ANKRD6: variants seen among roughly 807,000 people sequenced by gnomAD.
ANKRD6 encodes ankyrin repeat domain-containing protein 6.
ANKRD6 carries 56 observed loss-of-function variants against 82.3 expected under a neutral mutation model. The ratio of observed to expected loss-of-function variants is 0.68; its 90% CI spans 0.55 to 0.85. The LOEUF (loss-of-function observed/expected upper bound fraction) is 0.85, where lower values mean the gene tolerates loss of function less well. Ranked by LOEUF, ANKRD6 falls within the 40% of genes least tolerant of loss-of-function variation. The probability of loss-of-function intolerance (pLI) is 0.00; values close to 1 mark genes in which losing one functional copy is unlikely to be tolerated. For missense variants in ANKRD6, 852 were observed against 907.6 expected (o/e 0.94, Z 0.79); for synonymous variants, 347 against 352.1 (o/e 0.99, Z 0.16).
At position 89,445,443 on chromosome 6, in the gene ANKRD6, G is replaced by T. The variant is rs896089140; in HGVS notation, c.-144+12068G>T. 1.6e-3 allele frequency among the ~76,000 whole-genome samples: 237 copies of T among 149,864 alleles called. 1 individual carries two copies. Among genetic ancestry groups the T allele is most frequent in the Middle Eastern group, 3.5e-3 (1 of 286 alleles). On this transcript the variant is annotated intron_variant, in intron 1 of 15. Coordinates refer to ENST00000339746, the MANE Select transcript of ANKRD6 (RefSeq NM_001242809.2). ...GTGCCACCATGCCCGGCTAATTTTT[G>T]TATTTTATTTATTTATTTATTTGAC...
At chr6:89,552,123 T>C (rs534048505) in intron 1 of ANKRD6, among the ~76,000 whole-genome samples, 6 of 152,214 alleles carry the variant, frequency 3.9e-5, no homozygotes, top group Non-Finnish European at 7.3e-5. Context: ...CAATATCCAA[T>C]TTGGAAGAAA....
chr6:89,555,197 A>G (rs1299514241), intron 1 of ANKRD6, among the ~76,000 whole-genome samples: 1 of 149,476 alleles, frequency 6.7e-6, no homozygotes, highest in East Asian at 2.0e-4. Context: ...TTGTCCTCTA[A>G]GTCTACATCC....
chr6:89,614,450 G>A (rs1423912666), intron 7 of ANKRD6, among the ~76,000 whole-genome samples: 3 of 151,906 alleles, frequency 2.0e-5, no homozygotes, highest in Admixed American at 6.6e-5. Flanking sequence ...GTTCAAGACC[G>A]GCCTGGCCAA....
intron 2 of ANKRD6, among the ~76,000 whole-genome samples, chr6:89,585,813 C>T (rs973468911): frequency 2.0e-5 from 3 of 152,246 alleles, no homozygotes; most frequent in Non-Finnish European, 4.4e-5. Context: ...GAGGCTGAGG[C>T]AGAATTGTTT....
In ANKRD6 at chr6:89,491,922, A is replaced by G. The variant is rs1031053202; in HGVS notation, c.-144+58547A>G. On this transcript the variant is annotated intron_variant, in intron 1 of 15. Coordinates refer to ENST00000339746, the MANE Select transcript of ANKRD6 (RefSeq NM_001242809.2). ...GGTCGTGCTGTGTTTCCTCCAGTCT[A>G]TTACCATTAGATCCTATCGCCTTTG... is the stretch of plus-strand genomic sequence containing the variant. Among the ~76,000 whole-genome samples the G allele has an allele frequency of 8.5e-5, 13 of 152,152 alleles. No homozygotes were observed. The East Asian group carries it at 1.9e-3, about 23-fold the overall frequency.
intron 1 of ANKRD6, among the ~76,000 whole-genome samples, chr6:89,459,560 G>T (rs76678757): frequency 6.8e-6 from 1 of 147,122 alleles, no homozygotes; most frequent in Non-Finnish European, 1.5e-5. Flanking sequence ...AAGGGTTAGG[G>T]TTGTTTTAAG....
intron 3 of ANKRD6, among the ~76,000 whole-genome samples, chr6:89,600,612 G>C (rs1242999949): frequency 3.9e-5 from 6 of 152,234 alleles, no homozygotes; most frequent in Middle Eastern, 3.4e-3. Context: ...CGTGGTTCTT[G>C]CTAAGAAGGG....
intron 1 of ANKRD6, among the ~76,000 whole-genome samples, chr6:89,510,546 C>T (rs1780408462): frequency 1.3e-5 from 2 of 152,044 alleles, no homozygotes; most frequent in African/African-American, 4.8e-5. Context: ...ATATCTAGTT[C>T]ACATACCATA....
chr6:89,525,173 A>C (rs2127977991), intron 1 of ANKRD6, among the ~76,000 whole-genome samples: 1 of 152,022 alleles, frequency 6.6e-6, no homozygotes, highest in Admixed American at 6.5e-5. Flanking sequence ...ACACACCTCT[A>C]GTCCGAGCTA....
intron 1 of ANKRD6, among the ~76,000 whole-genome samples, chr6:89,441,627 T>TA (rs903603952): frequency 7.3e-5 from 10 of 137,024 alleles, no homozygotes; most frequent in Non-Finnish European, 1.4e-4. Context: ...TTCCTTTTTT[T>TA]TTTTTTTTTT....
At chr6:89,513,812 C>A (rs1014995050) in intron 1 of ANKRD6, among the ~76,000 whole-genome samples, 1 of 152,190 alleles carries the variant, frequency 6.6e-6, no homozygotes, top group Admixed American at 6.5e-5. Flanking sequence ...AAAGAGAGAG[C>A]AAAGTGAAGA....
intron 5 of ANKRD6, among the ~76,000 whole-genome samples, chr6:89,608,299 G>C (rs531319007): frequency 1.3e-3 from 194 of 151,214 alleles, no homozygotes; most frequent in African/African-American, 4.2e-3. Context: ...GCTAGAATGG[G>C]GTTCTAGGTG....
At chr6:89,475,909 A>T (rs1056870346) in intron 1 of ANKRD6, among the ~76,000 whole-genome samples, 2 of 152,204 alleles carry the variant, frequency 1.3e-5, no homozygotes, top group African/African-American at 4.8e-5. Flanking sequence ...GACAAACCTC[A>T]AGTTTGCCTG....
At chr6:89,509,163 C>T (rs1417441793) in intron 1 of ANKRD6, 1 of 152,310 alleles carries the variant, frequency 6.6e-6, no homozygotes, top group African/African-American at 2.4e-5. Context: ...CTCCTGGCTG[C>T]TTCCTGATGT....
In ANKRD6 at chr6:89,624,819, G is replaced by A. The variant is rs554845530; in HGVS notation, c.1371+128G>A. Reference sequence around the variant, plus strand: ...CAGTGGGCTGTCAGGGAAGAGGCCTGCTTCTGCTTATGTGATTTTGTTAAA... The same window carrying A: ...CAGTGGGCTGTCAGGGAAGAGGCCTACTTCTGCTTATGTGATTTTGTTAAA... On this transcript the variant is annotated intron_variant, in intron 13 of 15. Coordinates refer to ENST00000339746, the MANE Select transcript of ANKRD6 (RefSeq NM_001242809.2). 7.1e-6 allele frequency: 7 copies of A among 980,000 alleles called. No individual in the cohort carries two copies. The South Asian group carries it at 1.3e-4, about 19-fold the overall frequency. The allele number at this position is 980,000 out of a possible 1,614,324, so 60.7% of individuals were successfully genotyped here.
At chr6:89,578,624 A>G (rs1054406523) in intron 2 of ANKRD6, among the ~76,000 whole-genome samples, 1 of 152,128 alleles carries the variant, frequency 6.6e-6, no homozygotes, top group Non-Finnish European at 1.5e-5. Context: ...TGTTTCAGTT[A>G]TTAAAATAAG....
chr6:89,596,400 C>A (rs78069129), intron 3 of ANKRD6, among the ~76,000 whole-genome samples: 111 of 152,214 alleles, frequency 7.3e-4, no homozygotes, highest in Non-Finnish European at 7.5e-4. Flanking sequence ...TGTCAATGAC[C>A]AAATTTACCA....
intron 1 of ANKRD6, among the ~76,000 whole-genome samples, chr6:89,529,682 T>C (rs1197034819): frequency 6.6e-6 from 1 of 152,204 alleles, no homozygotes; most frequent in Non-Finnish European, 1.5e-5. Flanking sequence ...TAGCTTTTGA[T>C]TTAAAGTGAG....
intron 1 of ANKRD6, among the ~76,000 whole-genome samples, chr6:89,454,932 C>T (rs1172316744): frequency 1.3e-5 from 2 of 152,128 alleles, no homozygotes; most frequent in African/African-American, 2.4e-5. Context: ...CCTCTGCTTC[C>T]TGGGTTCAAG....
Sources: allele counts gnomAD v4.1 joint callset (sites outside exome capture counted in the v4.1 genomes callset), GRCh38; gene constraint gnomAD v4.1.1; transcripts MANE v1.5; gene names NCBI Gene and HGNC (gene_info 2026-07-23, HGNC 2026-07-21).